Variants in DDX50 observed in about 807,000 individuals in gnomAD.
DDX50 encodes ATP-dependent RNA helicase DDX50.
A neutral mutation model predicts 94.8 loss-of-function variants in DDX50; 56 were observed. The observed-to-expected ratio is 0.59, with a 90% CI of 0.48 to 0.74. The LOEUF is 0.74. DDX50 is among the 30% of genes least tolerant of loss of function. DDX50 has a pLI of 0.00. For missense variants in DDX50, 713 were observed against 881.2 expected, an observed-to-expected ratio of 0.81 and a Z score of 2.42; for synonymous variants, 264 against 295.4, an observed-to-expected ratio of 0.89 and a Z score of 1.09.
At chr10:68,922,706 C>G (rs972751723) in intron 8 of DDX50, among the ~76,000 whole-genome samples, 1 of 151,730 alleles carries the variant, frequency 6.6e-6, no homozygotes, top group African/African-American at 2.4e-5. Context: ...GGTGGGAGAA[C>G]TTCATGAGGC....
intron 6 of DDX50, 105 bp downstream of exon 6, chr10:68,913,681 C>T: frequency 2.8e-6 from 3 of 1,053,024 alleles, no homozygotes; most frequent in Non-Finnish European, 4.0e-6. Flanking sequence ...TGCGTTCTAA[C>T]AAAACTAAAA....
intron 8 of DDX50, among the ~76,000 whole-genome samples, chr10:68,926,844 T>C (rs1043012057): frequency 4.6e-5 from 7 of 151,026 alleles, no homozygotes; most frequent in African/African-American, 1.7e-4. Context: ...GTTGGAGACC[T>C]GGAAACCATC....
At chr10:68,937,584 G>GT (rs11429851) in intron 12 of DDX50, among the ~76,000 whole-genome samples, 75,201 of 120,758 alleles carry the variant, frequency 0.62, 24,084 homozygotes, top group East Asian at 0.88. Flanking sequence ...AACTTTATAA[G>GT]TTTTTTTTTT....
rs141247490 is a variant in DDX50 at position 68,917,905 on chromosome 10, C to T, written c.1090-1927C>T. Among the ~76,000 whole-genome samples, 3 of 151,648 alleles carry T rather than the reference C, an allele frequency of 2.0e-5. No homozygotes were observed. The East Asian group carries it at 5.8e-4, about 30-fold the overall frequency. ...GGTGTGAGCCACTGTACCTGGCCTC[C>T]CCGTAAGTATTTTAACATACATATC... is the stretch of plus-strand genomic sequence containing the variant. On this transcript the variant is annotated intron_variant, in intron 7 of 14. Coordinates refer to ENST00000373585, the MANE Select transcript of DDX50 (RefSeq NM_024045.2).
chr10:68,934,448 A>G lies in DDX50; in HGVS notation c.1401+88A>G. ...CAACATATTGCTTGGGATGTGAAAA[A>G]TATGTCATCTCTTCTTGCTCTTAGC... is the stretch of plus-strand genomic sequence containing the variant. On this transcript the variant is annotated intron_variant, in intron 9 of 14. Coordinates refer to ENST00000373585, the MANE Select transcript of DDX50 (RefSeq NM_024045.2). This position sits in a 1 kb window ranked among gnomAD's most constrained non-coding sequence, Gnocchi z 4.0. The G allele has an allele frequency of 6.4e-7, 1 of 1,550,858 alleles. No individual in the cohort carries two copies. Among genetic ancestry groups the G allele is most frequent in the South Asian group, 1.2e-5 (1 of 85,710 alleles).
chr10:68,925,438 C>G (rs1842059655), intron 8 of DDX50, among the ~76,000 whole-genome samples: 1 of 151,998 alleles, frequency 6.6e-6, no homozygotes, highest in African/African-American at 2.4e-5. Context: ...ATCATGAGAC[C>G]ATTTTGTCAG....
At chr10:68,913,955 G>A (rs1841710170) in intron 6 of DDX50, 104 bp from the exon 7 acceptor site, 3 of 1,188,040 alleles carry the variant, frequency 2.5e-6, no homozygotes, top group African/African-American at 1.6e-5. Context: ...TTCACCCCAA[G>A]TTTTACATTT....
At chr10:68,939,291 A>G (rs1387252037) in intron 12 of DDX50, among the ~76,000 whole-genome samples, 3 of 152,220 alleles carry the variant, frequency 2.0e-5, no homozygotes, top group Admixed American at 2.0e-4. Flanking sequence ...TATTTAAAAC[A>G]TATTTCTTTA....
chr10:68,929,305 C>CTT (rs1234198789), intron 8 of DDX50, among the ~76,000 whole-genome samples: 5 of 144,346 alleles, frequency 3.5e-5, no homozygotes, highest in South Asian at 4.3e-4. Flanking sequence ...CTCTCTCTCT[C>CTT]TCTCTCTCTT....
intron 8 of DDX50, among the ~76,000 whole-genome samples, chr10:68,925,540 T>C (rs1440642861): frequency 6.6e-6 from 1 of 152,220 alleles, no homozygotes; most frequent in Admixed American, 6.5e-5. Flanking sequence ...AGTCACTGTC[T>C]TCCCCAGTGT....
In DDX50 at chr10:68,937,060, A is replaced by G. The variant is rs146208488; in HGVS notation, c.1720A>G (p.Ser574Gly). The G allele has an allele frequency of 2.5e-6, 4 of 1,613,260 alleles. No homozygotes were observed. Among genetic ancestry groups the G allele is most frequent in the Non-Finnish European group, 2.5e-6 (3 of 1,179,782 alleles). ...AALAHISGAS[S>G]FEPRSLITSD... The stretch of plus-strand genomic sequence containing the variant: ...TTTAGCCCACATTTCTGGTGCATCA[A>G]GCTTTGAACCACGATCTTTGATCAC... Residue 574 changes from serine (S) to glycine (G), a missense_variant, in exon 12 of 15, where the codon AGC becomes GGC. By Grantham distance (56) the Ser-to-Gly change is moderately conservative. Coordinates refer to ENST00000373585, the MANE Select transcript of DDX50 (RefSeq NM_024045.2).
At chr10:68,914,656 C>T (rs1012154239) in intron 7 of DDX50, among the ~76,000 whole-genome samples, 2 of 152,178 alleles carry the variant, frequency 1.3e-5, no homozygotes, top group African/African-American at 4.8e-5. Flanking sequence ...AAAAATTAAG[C>T]TGTAAAATAA....
intron 12 of DDX50, among the ~76,000 whole-genome samples, 161 bp downstream of exon 12, chr10:68,937,256 T>A (rs1267280893): frequency 6.6e-6 from 1 of 152,200 alleles, no homozygotes; most frequent in African/African-American, 2.4e-5. Context: ...AAATCCTTTT[T>A]TGACAATCAC....
At position 68,915,490 on chromosome 10, in the gene DDX50, G is replaced by C. The variant is rs528084178; in HGVS notation, c.1089+1286G>C. ...CTGAACACTTTGGGAGGCTGAGGCG[G>C]GCAGATCACGAGGTCAGGAGATCGA... On this transcript the variant is annotated intron_variant, in intron 7 of 14. Transcript: ENST00000373585. Among the ~76,000 whole-genome samples the C allele has an allele frequency of 1.1e-3, 162 of 152,136 alleles. 4 individuals carry two copies. The highest frequency in any genetic ancestry group is 7.3e-3 in the Admixed American group (112 of 15,264).
intron 7 of DDX50, among the ~76,000 whole-genome samples, chr10:68,918,334 C>G (rs188761352): frequency 1.3e-5 from 2 of 151,326 alleles, no homozygotes; most frequent in East Asian, 1.9e-4. Flanking sequence ...AGTACATTTA[C>G]AGTATACAGC....
chr10:68,915,230 G>A lies in DDX50; in HGVS notation c.1089+1026G>A, dbSNP rs1004187395. Among the ~76,000 whole-genome samples, 5 of 151,352 alleles carry A rather than the reference G, an allele frequency of 3.3e-5. No homozygotes were observed. In the South Asian group the frequency reaches 8.4e-4, roughly 25 times the overall value. On this transcript the variant is annotated intron_variant, in intron 7 of 14. Transcript: ENST00000373585. ...AGATCGAGACCATCCTGGCTAACAC[G>A]GTGAAACTCCATTTTTACTAAAAAT...
In DDX50 at chr10:68,946,650, C is replaced by T. The variant is rs781382854; in HGVS notation, c.*20C>T. 6.2e-7 allele frequency: 1 copy of T among 1,602,804 alleles called. No individual in the cohort carries two copies. Among genetic ancestry groups the T allele is most frequent in the Admixed American group, 1.7e-5 (1 of 59,726 alleles). ...GACTGAGTATTTGATAGTTAATCTA[C>T]CAGTGTGAGCTTGCCTATTTCTGCC... On this transcript the variant is annotated 3_prime_UTR_variant, in exon 15 of 15. Coordinates refer to ENST00000373585, the MANE Select transcript of DDX50 (RefSeq NM_024045.2).
intron 8 of DDX50, among the ~76,000 whole-genome samples, chr10:68,929,789 C>T (rs371172664): frequency 1.9e-4 from 27 of 141,742 alleles, no homozygotes; most frequent in African/African-American, 2.6e-4. Flanking sequence ...TGCAGTGGTG[C>T]GATGTCGACT....
intron 7 of DDX50, among the ~76,000 whole-genome samples, chr10:68,916,137 C>T (rs6480371): frequency 0.94 from 143,282 of 152,186 alleles, 67,519 homozygotes; most frequent in East Asian, 0.99. Context: ...GGGTGAATCA[C>T]GAGGTCAGGA....
Sources: gnomAD v4.1 joint callset for allele counts (sites outside exome capture counted in the v4.1 genomes callset) on GRCh38, gnomAD v4.1.1 for gene constraint, Gnocchi (gnomAD v3.1) non-coding constraint, MANE v1.5 for transcripts, NCBI Gene and HGNC (gene_info 2026-07-23, HGNC 2026-07-21) for gene names.